The following KHDRBS2 variants were observed in gnomAD, a reference collection of about 807,000 sequenced individuals.
KHDRBS2 encodes the protein KH RNA binding domain containing, signal transduction associated 2.
In KHDRBS2, 26 loss-of-function variants were observed where a neutral mutation model predicts 44.3. That is an observed-to-expected ratio of 0.59 (90% confidence interval 0.43 to 0.81). KHDRBS2 has a LOEUF of 0.81. Among genes scored for constraint, KHDRBS2 ranks in the 40% least tolerant of loss-of-function variants. KHDRBS2 has a pLI of 0.00. For missense variants in KHDRBS2, 476 were observed against 433.1 expected (o/e 1.10, Z -0.88); for synonymous variants, 194 against 151.1 (o/e 1.28, Z -2.08).
chr6:61,553,262 T>C, the KHDRBS2 span, among the ~76,000 whole-genome samples: 3 of 152,186 alleles, frequency 2.0e-5, no homozygotes, highest in Non-Finnish European at 4.4e-5. Context: ...TCTATCCATT[T>C]ATCCTACATT....
intron 3 of KHDRBS2, among the ~76,000 whole-genome samples, chr6:61,989,534 T>C (rs1354821632): frequency 3.9e-5 from 6 of 152,162 alleles, no homozygotes; most frequent in Admixed American, 3.9e-4. Flanking sequence ...AAAACACATA[T>C]GTAATGGGTT....
the KHDRBS2 span, among the ~76,000 whole-genome samples, chr6:61,674,293 G>A: frequency 6.6e-6 from 1 of 151,670 alleles, no homozygotes; most frequent in Non-Finnish European, 1.5e-5. Context: ...TCATATTGCT[G>A]CAGAACAGAA....
chr6:62,149,894 A>AT (rs1399984773), intron 2 of KHDRBS2, among the ~76,000 whole-genome samples: 1 of 152,204 alleles, frequency 6.6e-6, no homozygotes, highest in Non-Finnish European at 1.5e-5. Flanking sequence ...TTTAAAATGT[A>AT]TTAGCAGTGG....
At chr6:62,251,995 A>G (rs1401949637) in intron 1 of KHDRBS2, among the ~76,000 whole-genome samples, 1 of 151,932 alleles carries the variant, frequency 6.6e-6, no homozygotes, top group African/African-American at 2.4e-5. Context: ...ATTTGTGAAC[A>G]TGAATGAATA....
the KHDRBS2 span, among the ~76,000 whole-genome samples, chr6:61,644,966 T>C: frequency 1.3e-5 from 2 of 152,198 alleles, no homozygotes; most frequent in Admixed American, 1.3e-4. Flanking sequence ...CATTACTGGG[T>C]ATATACTCAA....
the KHDRBS2 span, among the ~76,000 whole-genome samples, chr6:61,674,885 G>GAGT: frequency 6.6e-6 from 1 of 151,620 alleles, no homozygotes; most frequent in African/African-American, 2.4e-5. Flanking sequence ...ATGATATAAG[G>GAGT]AGTAACATTT....
chr6:62,005,719 A>G (rs1350209038), intron 3 of KHDRBS2, among the ~76,000 whole-genome samples: 12 of 151,826 alleles, frequency 7.9e-5, no homozygotes, highest in African/African-American at 2.9e-4. Context: ...AAATAACAAT[A>G]TATTTATAAA....
At chr6:61,769,185 G>T (rs188539871) in intron 6 of KHDRBS2, among the ~76,000 whole-genome samples, 5 of 152,220 alleles carry the variant, frequency 3.3e-5, no homozygotes, top group African/African-American at 1.2e-4. Flanking sequence ...GGAGGGAGGA[G>T]CCAAGATGGC....
Position 61,977,951 on chromosome 6 carries a change from A to T in KHDRBS2, c.483+115T>A. The T allele has an allele frequency of 6.9e-6, 6 of 868,206 alleles. No homozygotes were observed. The South Asian group carries it at 1.1e-4, about 16-fold the overall frequency. The allele number at this position is 868,206 out of a possible 1,614,324, so 53.8% of individuals were successfully genotyped here. A position where few individuals can be genotyped will look rare whatever the true frequency, so the allele number is the denominator to read the frequency against. ...TTTTTAGCTTTGTATCGACCTGTGG[A>T]TAGATCATTGGTTTGCAATATGAGT... On this transcript the variant is annotated intron_variant, in intron 4 of 8. Coordinates refer to ENST00000281156, the MANE Select transcript of KHDRBS2 (RefSeq NM_152688.4).
intron 1 of KHDRBS2, among the ~76,000 whole-genome samples, chr6:62,282,545 T>C (rs1183813475): frequency 2.6e-5 from 4 of 152,148 alleles, no homozygotes; most frequent in Non-Finnish European, 4.4e-5. Context: ...AACAGATCTA[T>C]GTCTGTCAGC....
At chr6:61,577,625 CA>C in the KHDRBS2 span, among the ~76,000 whole-genome samples, 1 of 151,760 alleles carries the variant, frequency 6.6e-6, no homozygotes, top group Non-Finnish European at 1.5e-5. Context: ...GACTTTTCAG[CA>C]AAAATATACC....
intron 7 of KHDRBS2, among the ~76,000 whole-genome samples, chr6:61,724,302 A>C (rs1773187827): frequency 6.6e-6 from 1 of 152,146 alleles, no homozygotes; most frequent in African/African-American, 2.4e-5. Flanking sequence ...ATATCACAAG[A>C]GCTTCTTAAA....
the KHDRBS2 span, among the ~76,000 whole-genome samples, chr6:61,593,898 A>AT: frequency 6.6e-6 from 1 of 152,144 alleles, no homozygotes; most frequent in Non-Finnish European, 1.5e-5. Context: ...CTCCAAGTCT[A>AT]TTGGCTTTAT....
intron 2 of KHDRBS2, among the ~76,000 whole-genome samples, chr6:62,065,151 GT>G (rs1238331815): frequency 3.3e-5 from 5 of 151,086 alleles, no homozygotes; most frequent in Non-Finnish European, 7.4e-5. Context: ...TGGAGAGGAT[GT>G]GGAGAAATAG....
At chr6:61,546,074 T>A in the KHDRBS2 span, among the ~76,000 whole-genome samples, 1 of 152,096 alleles carries the variant, frequency 6.6e-6, no homozygotes, top group African/African-American at 2.4e-5. Flanking sequence ...TTTCTTCTTT[T>A]GACAAACACG....
chr6:62,269,076 T>C (rs916370447), intron 1 of KHDRBS2, among the ~76,000 whole-genome samples: 1 of 151,998 alleles, frequency 6.6e-6, no homozygotes, highest in African/African-American at 2.4e-5. Flanking sequence ...TTTGACTATC[T>C]TGACAACACA....
chr6:61,708,821 G>T (rs1254945025), intron 7 of KHDRBS2, among the ~76,000 whole-genome samples: 5 of 151,628 alleles, frequency 3.3e-5, no homozygotes, highest in Non-Finnish European at 7.4e-5. Context: ...CCAACTTATT[G>T]TGAGACAAGA....
chr6:61,553,382 T>C, the KHDRBS2 span, among the ~76,000 whole-genome samples: 1 of 152,096 alleles, frequency 6.6e-6, no homozygotes, highest in Non-Finnish European at 1.5e-5. Flanking sequence ...TTTATTCTTA[T>C]CTGCCCTCTT....
At chr6:61,902,431 G>C (rs1173824041) in intron 4 of KHDRBS2, among the ~76,000 whole-genome samples, 1 of 152,028 alleles carries the variant, frequency 6.6e-6, no homozygotes, top group Non-Finnish European at 1.5e-5. Context: ...CCCAAGAGTG[G>C]AGCTGAATCA....
Sources: gnomAD v4.1 joint callset for allele counts (sites outside exome capture counted in the v4.1 genomes callset) on GRCh38, gnomAD v4.1.1 for gene constraint, MANE v1.5 for transcripts, NCBI Gene and HGNC (gene_info 2026-07-23, HGNC 2026-07-21) for gene names.